SLMAP: variants seen among roughly 807,000 people sequenced by gnomAD.
SLMAP encodes the protein sarcolemmal membrane-associated protein.
A neutral mutation model predicts 128.8 loss-of-function variants in SLMAP; 44 were observed. The observed-to-expected ratio is 0.34, with a 90% CI of 0.27 to 0.44. SLMAP has a LOEUF of 0.44. Among genes scored for constraint, SLMAP ranks in the 20% least tolerant of loss-of-function variants. The pLI, the probability that SLMAP is intolerant of heterozygous loss-of-function variation, is 1.00. For synonymous variants in SLMAP, 327 were observed against 348.8 expected (o/e 0.94, Z 0.70); for missense variants, 787 against 985.3 (o/e 0.80, Z 2.69).
chr3:57,820,936 G>GA (rs1666509402), intron 2 of SLMAP, among the ~76,000 whole-genome samples: 1 of 152,168 alleles, frequency 6.6e-6, no homozygotes, highest in South Asian at 2.1e-4. Flanking sequence ...AATTAAGGGG[G>GA]ATCTTACAAG....
At chr3:57,809,617 G>C (rs530365460) in intron 2 of SLMAP, among the ~76,000 whole-genome samples, 9 of 152,346 alleles carry the variant, frequency 5.9e-5, no homozygotes, top group Admixed American at 1.3e-4. Context: ...CTTCAGACCA[G>C]TGAGGGCCTA....
Position 57,842,408 on chromosome 3 carries a change from A to G in SLMAP, c.419+1037A>G, listed in dbSNP as rs572698444. On this transcript the variant is annotated intron_variant, in intron 4 of 24. Coordinates refer to ENST00000671191, the MANE Select transcript of SLMAP (RefSeq NM_001377540.1). ...AATTTAAAACATTAATGTGTTTTCT[A>G]TTTGCGATTACAGCTTAATTATTAA... Among the ~76,000 whole-genome samples, 24 of 151,966 alleles carry G rather than the reference A, an allele frequency of 1.6e-4. No individual in the cohort carries two copies. The South Asian group carries it at 2.5e-3, about 16-fold the overall frequency.
At chr3:57,782,151 A>T (rs931444703) in intron 2 of SLMAP, among the ~76,000 whole-genome samples, 1 of 152,188 alleles carries the variant, frequency 6.6e-6, no homozygotes, top group Non-Finnish European at 1.5e-5. Context: ...ATTTGGTCAT[A>T]TCTCTTGAAA....
At position 57,757,052 on chromosome 3, in the gene SLMAP, G is replaced by T. The variant is rs553235276; in HGVS notation, c.-600G>T. 1 of 155,928 alleles carries T rather than the reference G, an allele frequency of 6.4e-6. No homozygotes were observed. Among genetic ancestry groups the T allele is most frequent in the African/African-American group, 2.4e-5 (1 of 41,502 alleles). The allele number at this position is 155,928 out of a possible 1,614,324, so 9.7% of individuals were successfully genotyped here. A position where few individuals can be genotyped will look rare whatever the true frequency, so the allele number is the denominator to read the frequency against. ...GGGGCGGCCTCCGCTCAGCAGGGGC[G>T]ATGCAGACTGTCCCGCCGGCCGTCT... On this transcript the variant is annotated 5_prime_UTR_variant, in exon 2 of 25. Transcript: ENST00000671191.
intron 2 of SLMAP, among the ~76,000 whole-genome samples, chr3:57,787,566 T>C (rs960069983): frequency 6.6e-6 from 1 of 152,232 alleles, no homozygotes; most frequent in African/African-American, 2.4e-5. Flanking sequence ...AACCTCTGCC[T>C]CTCGGGTTCA....
intron 22 of SLMAP, among the ~76,000 whole-genome samples, chr3:57,921,263 G>GAAT (rs1166216018): frequency 1.3e-5 from 2 of 152,158 alleles, no homozygotes; most frequent in African/African-American, 4.8e-5. Flanking sequence ...GACTCTATCT[G>GAAT]AAAGTCAAAG....
rs147140460 is a variant in SLMAP at position 57,839,313 on chromosome 3, G to A, written c.347-1986G>A. Among the ~76,000 whole-genome samples, 115 of 151,946 alleles carry A rather than the reference G, an allele frequency of 7.6e-4. 1 individual carries two copies. The highest frequency in any genetic ancestry group is 2.3e-3 in the African/African-American group (95 of 41,408). Reference sequence around the variant, plus strand: ...AATGAAAATCAATATTGAATACATGGTGTTAAATTCCTTAATTTTAATGTG... The same window carrying A: ...AATGAAAATCAATATTGAATACATGATGTTAAATTCCTTAATTTTAATGTG... On this transcript the variant is annotated intron_variant, in intron 3 of 24. Transcript: ENST00000671191.
Position 57,757,362 on chromosome 3 carries a change from G to C in SLMAP, c.-290G>C, listed in dbSNP as rs2077814749. On this transcript the variant is annotated 5_prime_UTR_variant, in exon 2 of 25. Transcript: ENST00000671191. ...GGAGTTTTCTTGGCCGAAGCTGCCC[G>C]ATGTTTGAGCCTTTTCTTCCCAGAG... The C allele has an allele frequency of 2.1e-6, 1 of 476,248 alleles. No individual in the cohort carries two copies. The highest frequency in any genetic ancestry group is 3.8e-6 in the Non-Finnish European group (1 of 260,704). 29.5% of individuals were successfully genotyped at this position (476,248 alleles called of 1,614,324 possible). A position where few individuals can be genotyped will look rare whatever the true frequency, so the allele number is the denominator to read the frequency against.
chr3:57,914,181 A>G (rs938849372), intron 21 of SLMAP, among the ~76,000 whole-genome samples: 7 of 152,170 alleles, frequency 4.6e-5, no homozygotes, highest in Admixed American at 4.6e-4. Context: ...ACAGTTTGCC[A>G]TATTTAAGTT....
chr3:57,847,274 A>C, intron 5 of SLMAP, 41 bp downstream of exon 5: 1 of 1,493,984 alleles, frequency 6.7e-7, no homozygotes, highest in Non-Finnish European at 9.3e-7. Flanking sequence ...TGACTCAGCT[A>C]TGTTGCTTTG....
intron 13 of SLMAP, among the ~76,000 whole-genome samples, chr3:57,870,180 C>T (rs1224959339): frequency 2.0e-5 from 3 of 151,864 alleles, no homozygotes; most frequent in African/African-American, 4.8e-5. Context: ...AAATATCATT[C>T]CAAATGAGTT....
chr3:57,779,488 A>G (rs2082567336), intron 2 of SLMAP, among the ~76,000 whole-genome samples: 1 of 150,716 alleles, frequency 6.6e-6, no homozygotes, highest in Admixed American at 6.6e-5. Flanking sequence ...CAGCCTGGGC[A>G]ACAGAGTGAG....
intron 2 of SLMAP, among the ~76,000 whole-genome samples, chr3:57,817,700 G>C (rs182450096): frequency 6.6e-6 from 1 of 152,202 alleles, no homozygotes; most frequent in Non-Finnish European, 1.5e-5. Context: ...AGATGAGGTA[G>C]TGTATGTAAA....
At chr3:57,830,209 T>A (rs1285444671) in intron 2 of SLMAP, among the ~76,000 whole-genome samples, 1 of 151,972 alleles carries the variant, frequency 6.6e-6, no homozygotes, top group African/African-American at 2.4e-5. Context: ...TACACCACCA[T>A]GTTGGCGAGG....
rs1049414043 is a variant in SLMAP, at chr3:57,886,136, C to G, written c.1301-3905C>G. ...TTTTTTTTTTTGAGATGGAGTCTCG[C>G]TCTGTTGCCCAGGCTGGAGTGCAGT... On this transcript the variant is annotated intron_variant, in intron 14 of 24. Transcript: ENST00000671191. 9.7e-5 allele frequency among the ~76,000 whole-genome samples: 14 copies of G among 144,846 alleles called. No homozygotes were observed. The Admixed American group carries it at 9.9e-4, about 10-fold the overall frequency.
At chr3:57,833,650 C>A (rs2093469848) in intron 3 of SLMAP, among the ~76,000 whole-genome samples, 1 of 152,056 alleles carries the variant, frequency 6.6e-6, no homozygotes, top group Admixed American at 6.6e-5. Flanking sequence ...GTTCTCTTGA[C>A]CTCGTGATCT....
In SLMAP at chr3:57,929,174, G is replaced by A. The variant is rs2097047314; in HGVS notation, c.*1885G>A. 1 of 152,536 alleles carries A rather than the reference G, an allele frequency of 6.6e-6. No individual in the cohort carries two copies. The highest frequency in any genetic ancestry group is 2.1e-4 in the South Asian group (1 of 4,832). 9.4% of individuals were successfully genotyped at this position (152,536 alleles called of 1,614,324 possible). On this transcript the variant is annotated 3_prime_UTR_variant, in exon 25 of 25. Coordinates refer to ENST00000671191, the MANE Select transcript of SLMAP (RefSeq NM_001377540.1). ...AAATAACTTTACTCTCCCTACGCAT[G>A]TTTGAGTTGAATATCATTGAAGTTC...
At chr3:57,906,119 T>G (rs1298728936) in intron 17 of SLMAP, among the ~76,000 whole-genome samples, 1 of 150,042 alleles carries the variant, frequency 6.7e-6, no homozygotes, top group East Asian at 2.0e-4. Flanking sequence ...GGCCAGGACC[T>G]TTGCAGACTC....
intron 2 of SLMAP, among the ~76,000 whole-genome samples, chr3:57,762,710 GTTTTTT>G (rs752054975): frequency 9.3e-6 from 1 of 107,756 alleles, no homozygotes; most frequent in Non-Finnish European, 1.9e-5. Context: ...TAGTAGAATG[GTTTTTT>G]TTTTTTTTTT....
Sources: gnomAD v4.1 joint callset for allele counts (sites outside exome capture counted in the v4.1 genomes callset) on GRCh38, gnomAD v4.1.1 for gene constraint, MANE v1.5 for transcripts, NCBI Gene and HGNC (gene_info 2026-07-23, HGNC 2026-07-21) for gene names.